DAPK2: variants seen among roughly 807,000 people sequenced by gnomAD.
DAPK2 encodes the protein death-associated protein kinase 2.
A neutral mutation model predicts 44.1 loss-of-function variants in DAPK2; 35 were observed. The observed-to-expected ratio is 0.79, with a 90% confidence interval of 0.61 to 1.05. The LOEUF is 1.05. Among genes scored for constraint, DAPK2 ranks in the 50% least tolerant of loss-of-function variants. The probability of loss-of-function intolerance (pLI) is 0.00; values close to 1 mark genes in which losing one functional copy is unlikely to be tolerated. For missense variants in DAPK2, 453 were observed against 483.2 expected, an observed-to-expected ratio of 0.94 and a Z score of 0.59; for synonymous variants, 174 against 182.6, an observed-to-expected ratio of 0.95 and a Z score of 0.38.
intron 8 of DAPK2, among the ~76,000 whole-genome samples, chr15:63,913,018 C>T (rs2078836887): frequency 6.6e-6 from 1 of 151,968 alleles, no homozygotes; most frequent in South Asian, 2.1e-4. Context: ...GTCAGAAATA[C>T]TATTCATAAA....
At position 63,911,778 on chromosome 15, in the gene DAPK2, A is replaced by G. The variant is rs901704817; in HGVS notation, c.1032+130T>C. 7 of 886,620 alleles carry G rather than the reference A, an allele frequency of 7.9e-6. No individual in the cohort carries two copies. The Admixed American group carries it at 8.3e-5, about 10-fold the overall frequency. 54.9% of individuals were successfully genotyped at this position (886,620 alleles called of 1,614,324 possible). A position where few individuals can be genotyped will look rare whatever the true frequency, so the allele number is the denominator to read the frequency against. On this transcript the variant is annotated intron_variant, in intron 10 of 10. Transcript: ENST00000261891. ...ACTTCAGCCTTCAGGGAAGAGGAGG[A>G]CTGGGCCAGCAGAACTGGCTGGAAA...
chr15:64,006,143 G>A (rs2079223709), intron 1 of DAPK2, among the ~76,000 whole-genome samples: 1 of 151,616 alleles, frequency 6.6e-6, no homozygotes, highest in Non-Finnish European at 1.5e-5. Flanking sequence ...CATCACTCCT[G>A]AGAGGGTGTC....
intron 1 of DAPK2, among the ~76,000 whole-genome samples, chr15:64,031,309 T>C (rs1007660634): frequency 6.6e-6 from 1 of 151,792 alleles, no homozygotes; most frequent in Non-Finnish European, 1.5e-5. Context: ...CACAGCTCAC[T>C]GCAGCTTCAA....
intron 3 of DAPK2, among the ~76,000 whole-genome samples, chr15:63,949,788 A>G (rs753719792): frequency 6.6e-6 from 1 of 152,212 alleles, no homozygotes; most frequent in Non-Finnish European, 1.5e-5. Flanking sequence ...TAGCTCTGTG[A>G]TCTTGGCAAG....
At chr15:63,996,000 C>A (rs2078941968) in intron 1 of DAPK2, among the ~76,000 whole-genome samples, 1 of 152,178 alleles carries the variant, frequency 6.6e-6, no homozygotes, top group African/African-American at 2.4e-5. Context: ...TGTCATCTAT[C>A]TTATTTCCTT....
rs1183822660 is a variant in DAPK2 at position 63,986,232 on chromosome 15, G to A, written c.93-2478C>T. On this transcript the variant is annotated intron_variant, in intron 1 of 10. Coordinates refer to ENST00000261891, the Ensembl canonical transcript of DAPK2. ...GCCTCAGAGACTTATGCTTTCACCT[G>A]CTCTGAACATAGATTTGCTCATCTG... is the stretch of plus-strand genomic sequence containing the variant. Among the ~76,000 whole-genome samples the A allele has an allele frequency of 2.0e-5, 3 of 152,194 alleles. No homozygotes were observed. In the East Asian group the frequency reaches 5.8e-4, roughly 29 times the overall value.
chr15:64,007,477 C>G (rs1352083988), intron 1 of DAPK2, among the ~76,000 whole-genome samples: 2 of 152,122 alleles, frequency 1.3e-5, no homozygotes, highest in Non-Finnish European at 2.9e-5. Context: ...CAGTAGGAAA[C>G]CTCTCCTGCC....
rs530956557 is a variant in DAPK2, at chr15:63,954,002, A to G, written c.454-14641T>C. Among the ~76,000 whole-genome samples the G allele has an allele frequency of 2.0e-5, 3 of 152,240 alleles. No homozygotes were observed. In the South Asian group the frequency reaches 6.2e-4, roughly 32 times the overall value. ...ATTTTGCCCATTTTTAAATCAGATT[A>G]TTAGATTTTTTTCCTACAGACTTGT... On this transcript the variant is annotated intron_variant, in intron 3 of 10. Coordinates refer to ENST00000261891, the Ensembl canonical transcript of DAPK2.
intron 4 of DAPK2, among the ~76,000 whole-genome samples, chr15:63,935,240 G>C (rs1012328228): frequency 6.6e-6 from 1 of 151,828 alleles, no homozygotes; most frequent in Admixed American, 6.6e-5. Context: ...ACAAGCGTGC[G>C]CCACCATGCC....
intron 1 of DAPK2, among the ~76,000 whole-genome samples, chr15:64,036,273 ATGTGTGTG>A (rs1214937871): frequency 1.7e-3 from 73 of 43,996 alleles, no homozygotes; most frequent in Non-Finnish European, 2.1e-3. Context: ...ATATATATAT[ATGTGTGTG>A]TGTGTGTGTG....
rs917136596 is a variant in DAPK2 at position 63,923,312 on chromosome 15, C to T, written c.858+1504G>A. On this transcript the variant is annotated intron_variant, in intron 8 of 10. Transcript: ENST00000261891. The surrounding 1 kb of genome is among the most constrained non-coding windows in gnomAD (Gnocchi z 4.2). ...CTTCAGCTGGGTGGGCTCTGTCTTC[C>T]GCTGTTCAGGGGCTCTGCCTTCTCC... is the stretch of plus-strand genomic sequence containing the variant. 2.5e-5 allele frequency: 38 copies of T among 1,535,704 alleles called. No homozygotes were observed. Among genetic ancestry groups the T allele is most frequent in the Middle Eastern group, 3.3e-4 (2 of 6,004 alleles).
chr15:63,931,982 T>C (rs1447184682), intron 4 of DAPK2, among the ~76,000 whole-genome samples: 1 of 151,474 alleles, frequency 6.6e-6, no homozygotes, highest in Non-Finnish European at 1.5e-5. Flanking sequence ...TTGGCCAACA[T>C]AGCGAAATCC....
intron 1 of DAPK2, among the ~76,000 whole-genome samples, chr15:64,014,927 CAAA>C (rs5813274): frequency 8.3e-5 from 10 of 120,296 alleles, no homozygotes; most frequent in African/African-American, 1.3e-4. Flanking sequence ...GACTCCATCT[CAAA>C]AAAAAAAAAA....
chr15:64,029,765 A>T (rs2079957990), intron 1 of DAPK2: 1 of 152,314 alleles, frequency 6.6e-6, no homozygotes, highest in South Asian at 2.1e-4. Flanking sequence ...CTTCACACAC[A>T]CACATCCACA....
At chr15:63,961,438 T>G (rs1191277423) in intron 3 of DAPK2, among the ~76,000 whole-genome samples, 2 of 152,228 alleles carry the variant, frequency 1.3e-5, no homozygotes, top group African/African-American at 2.4e-5. Context: ...TTCCTAGCAC[T>G]GATAGTCTTT....
rs1211181982 is a variant in DAPK2, at chr15:64,009,743, CTG to C, written c.93-25991_93-25990del. Among the ~76,000 whole-genome samples the C allele has an allele frequency of 7.2e-5, 11 of 152,230 alleles. No homozygotes were observed. The East Asian group carries it at 1.5e-3, about 21-fold the overall frequency. On this transcript the variant is annotated intron_variant, in intron 1 of 10. Coordinates refer to ENST00000261891, the Ensembl canonical transcript of DAPK2. ...TTGTCTCTTTATGCTCATTTCTTTA[CTG>C]TGTTTGCCTTTCCCCCCGCCCCTAA...
chr15:64,031,192 G>A (rs17789612), intron 1 of DAPK2, among the ~76,000 whole-genome samples: 71,651 of 151,788 alleles, frequency 0.47, 19,441 homozygotes, highest in East Asian at 0.78. Context: ...GTTCTGAAAG[G>A]GCAGGAAGTA....
At chr15:64,000,238 C>T (rs976040478) in intron 1 of DAPK2, among the ~76,000 whole-genome samples, 1 of 151,782 alleles carries the variant, frequency 6.6e-6, no homozygotes, top group Non-Finnish European at 1.5e-5. Flanking sequence ...GTCTGCTCCA[C>T]AGGACTTTGT....
chr15:64,039,876 G>T (rs371693157), intron 1 of DAPK2, among the ~76,000 whole-genome samples: 1 of 152,186 alleles, frequency 6.6e-6, no homozygotes, highest in African/African-American at 2.4e-5. Flanking sequence ...GCCTGGGGAA[G>T]CTTTATGAAA....
Sources: gnomAD v4.1 joint callset for allele counts (sites outside exome capture counted in the v4.1 genomes callset) on GRCh38, gnomAD v4.1.1 for gene constraint, Gnocchi (gnomAD v3.1) non-coding constraint, MANE v1.5 for transcripts, NCBI Gene and HGNC (gene_info 2026-07-23, HGNC 2026-07-21) for gene names.